Variants in LYPLAL1 observed in about 807,000 individuals in gnomAD.
LYPLAL1 encodes the protein lysophospholipase-like protein 1.
In LYPLAL1, 23 loss-of-function variants were observed where a neutral mutation model predicts 19.7. The ratio of observed to expected loss-of-function variants is 1.17; its 90% CI spans 0.84 to 1.65. LYPLAL1 has a LOEUF of 1.65. LYPLAL1 is among the 40% of genes most tolerant of loss of function. The pLI is 0.00. For missense variants in LYPLAL1, 355 were observed against 279.4 expected, an observed-to-expected ratio of 1.27 and a Z score of -1.93; for synonymous variants, 119 against 96.3, an observed-to-expected ratio of 1.24 and a Z score of -1.38.
chr1:219,383,113 A>G, the LYPLAL1 span, among the ~76,000 whole-genome samples: 1 of 152,250 alleles, frequency 6.6e-6, no homozygotes, highest in African/African-American at 2.4e-5. Context: ...ACGTGGTTCC[A>G]TGTAGACCTC....
At chr1:219,227,203 C>T in the LYPLAL1 span, among the ~76,000 whole-genome samples, 1 of 152,180 alleles carries the variant, frequency 6.6e-6, no homozygotes, top group Admixed American at 6.5e-5. Flanking sequence ...AATCTCTGCT[C>T]TGAGGAGTTT....
chr1:219,419,069 G>C, the LYPLAL1 span, among the ~76,000 whole-genome samples: 5 of 152,140 alleles, frequency 3.3e-5, no homozygotes, highest in African/African-American at 1.2e-4. Context: ...GGACACCTTG[G>C]TGGCTTCCAA....
the LYPLAL1 span, among the ~76,000 whole-genome samples, chr1:219,235,606 C>T: frequency 6.6e-6 from 1 of 152,142 alleles, no homozygotes; most frequent in Non-Finnish European, 1.5e-5. Flanking sequence ...CTACTACATG[C>T]GTACGCACAT....
chr1:219,210,710 CA>C (rs1266469997), intron 4 of LYPLAL1, 63 bp downstream of exon 4: 1 of 1,448,862 alleles, frequency 6.9e-7, no homozygotes, highest in Non-Finnish European at 9.3e-7. Context: ...AAAACTAAAG[CA>C]AAATCGGTAA....
chr1:219,223,030 A>G, the LYPLAL1 span: 1 of 152,126 alleles, frequency 6.6e-6, no homozygotes, highest in Non-Finnish European at 1.5e-5. Context: ...CTTGGGGTTT[A>G]AATTCCAACA....
At chr1:219,204,414 A>T (rs1658374144) in intron 3 of LYPLAL1, among the ~76,000 whole-genome samples, 1 of 152,184 alleles carries the variant, frequency 6.6e-6, no homozygotes, top group Non-Finnish European at 1.5e-5. Flanking sequence ...TACATTCTCC[A>T]TCATTATTAA....
the LYPLAL1 span, among the ~76,000 whole-genome samples, chr1:219,307,474 C>T: frequency 6.6e-6 from 1 of 152,144 alleles, no homozygotes. Flanking sequence ...TGTTAAGCCA[C>T]TGAGATATGG....
At chr1:219,178,909 G>A (rs1331256088) in intron 1 of LYPLAL1, among the ~76,000 whole-genome samples, 1 of 151,824 alleles carries the variant, frequency 6.6e-6, no homozygotes, top group East Asian at 1.9e-4. Context: ...GCTTAAACAA[G>A]ATCTTCAGAG....
the LYPLAL1 span, among the ~76,000 whole-genome samples, chr1:219,297,265 T>C: frequency 1.1e-4 from 17 of 152,236 alleles, no homozygotes; most frequent in African/African-American, 3.9e-4. Flanking sequence ...TTTTTGGAAT[T>C]GTACAAACTG....
chr1:219,249,255 C>G, the LYPLAL1 span, among the ~76,000 whole-genome samples: 1 of 152,044 alleles, frequency 6.6e-6, no homozygotes, highest in Admixed American at 6.6e-5. Context: ...TATACACACA[C>G]GCACACAGTA....
At chr1:219,324,288 G>A in the LYPLAL1 span, among the ~76,000 whole-genome samples, 1 of 152,154 alleles carries the variant, frequency 6.6e-6, no homozygotes, top group African/African-American at 2.4e-5. Context: ...GTGTGACCAC[G>A]AGTTCTCCTT....
chr1:219,330,649 C>T, the LYPLAL1 span, among the ~76,000 whole-genome samples: 1 of 152,192 alleles, frequency 6.6e-6, no homozygotes, highest in Admixed American at 6.5e-5. Flanking sequence ...TAAACACGTA[C>T]TTCTAAATAC....
chr1:219,342,994 G>A, the LYPLAL1 span, among the ~76,000 whole-genome samples: 136 of 152,246 alleles, frequency 8.9e-4, no homozygotes, highest in African/African-American at 3.0e-3. Context: ...TTAATGGGAG[G>A]AGCACGGATG....
chr1:219,249,721 A>AT, the LYPLAL1 span, among the ~76,000 whole-genome samples: 1 of 151,922 alleles, frequency 6.6e-6, no homozygotes, highest in Non-Finnish European at 1.5e-5. Context: ...ATCTTTTCTC[A>AT]TTTTAGCACT....
intron 3 of LYPLAL1, chr1:219,199,830 G>C: frequency 5.5e-6 from 1 of 181,832 alleles, no homozygotes; most frequent in Admixed American, 5.6e-5. Flanking sequence ...GCCCAGGCTG[G>C]TCTCGAATAT....
At chr1:219,230,264 T>C in the LYPLAL1 span, among the ~76,000 whole-genome samples, 94,569 of 151,884 alleles carry the variant, frequency 0.62, 29,965 homozygotes, top group East Asian at 0.93. Context: ...AGGCGCCTGC[T>C]ACCACGCCCG....
At chr1:219,296,377 A>C in the LYPLAL1 span, among the ~76,000 whole-genome samples, 1 of 152,150 alleles carries the variant, frequency 6.6e-6, no homozygotes, top group African/African-American at 2.4e-5. Context: ...CTTCAATCCT[A>C]ATATGGCTGG....
At chr1:219,373,882 C>CAAAAAAAAAAAAAAAAAAAACA in the LYPLAL1 span, among the ~76,000 whole-genome samples, 1 of 119,614 alleles carries the variant, frequency 8.4e-6, no homozygotes, top group Non-Finnish European at 1.7e-5. Context: ...AAAAAAAAAA[C>CAAAAAAAAAAAAAAAAAAAACA]AAAAAAAAAA....
the LYPLAL1 span, among the ~76,000 whole-genome samples, chr1:219,244,011 G>A: frequency 6.6e-6 from 1 of 151,466 alleles, no homozygotes; most frequent in Non-Finnish European, 1.5e-5. Context: ...AAAACTCACA[G>A]AAATGTACAA....
Sources: allele counts gnomAD v4.1 joint callset (sites outside exome capture counted in the v4.1 genomes callset), GRCh38; gene constraint gnomAD v4.1.1; transcripts MANE v1.5; gene names NCBI Gene and HGNC (gene_info 2026-07-23, HGNC 2026-07-21).